STPG2: variants seen among roughly 807,000 people sequenced by gnomAD.
The protein encoded by STPG2 is sperm-tail PG-rich repeat-containing protein 2.
STPG2 carries 56 observed loss-of-function variants against 54.2 expected under a neutral mutation model. The observed-to-expected ratio is 1.03, with a 90% CI of 0.83 to 1.29. The LOEUF is 1.29. Among genes scored for constraint, STPG2 ranks in the 50% most tolerant of loss-of-function variants. The pLI is 0.00. For synonymous variants in STPG2, 200 were observed against 181.8 expected (o/e 1.10, Z -0.81); for missense variants, 596 against 544.9 (o/e 1.09, Z -0.93).
At chr4:97,714,383 AG>A (rs1724225189) in intron 9 of STPG2, among the ~76,000 whole-genome samples, 1 of 152,174 alleles carries the variant, frequency 6.6e-6, no homozygotes, top group Non-Finnish European at 1.5e-5. Flanking sequence ...TAGTATCTAA[AG>A]TTCCTTGTGG....
In STPG2 at chr4:98,072,582, AT is replaced by A. The variant is rs1201245406; in HGVS notation, c.612+33370del. Among the ~76,000 whole-genome samples, 132 of 56,150 alleles carry A rather than the reference AT, an allele frequency of 2.4e-3. 1 individual carries two copies. Among genetic ancestry groups the A allele is most frequent in the Admixed American group, 5.3e-3 (18 of 3,420 alleles). 36.8% of individuals were successfully genotyped at this position (56,150 alleles called of 152,430 possible). On this transcript the variant is annotated intron_variant, in intron 5 of 10. Coordinates refer to ENST00000295268, the MANE Select transcript of STPG2 (RefSeq NM_174952.3). ...GTTGAAGGGAAAATAATAAAATAAA[AT>A]AAAATAAAATAAAATAAAATAAAAT... is the stretch of plus-strand genomic sequence containing the variant.
intron 10 of STPG2, among the ~76,000 whole-genome samples, chr4:97,572,282 G>A (rs1176936526): frequency 6.6e-6 from 1 of 152,076 alleles, no homozygotes. Context: ...CAGCCATTCA[G>A]TTACTTCAGC....
intron 9 of STPG2, among the ~76,000 whole-genome samples, chr4:97,778,677 C>A (rs575548831): frequency 6.6e-6 from 1 of 152,174 alleles, no homozygotes; most frequent in African/African-American, 2.4e-5. Context: ...CTGGGAGGCA[C>A]CCCCAGTAGG....
chr4:97,457,400 A>G (rs772775408), intron 4 of STPG2, among the ~76,000 whole-genome samples: 10 of 152,222 alleles, frequency 6.6e-5, no homozygotes, highest in Admixed American at 3.9e-4. Flanking sequence ...ACCAAACCCA[A>G]CTCAGTGTAA....
chr4:97,714,562 T>C (rs1324066257), intron 9 of STPG2, among the ~76,000 whole-genome samples: 2 of 152,194 alleles, frequency 1.3e-5, no homozygotes, highest in Non-Finnish European at 2.9e-5. Flanking sequence ...ATAAGGAAAG[T>C]GTTTTTGCAA....
intron 10 of STPG2, among the ~76,000 whole-genome samples, chr4:97,566,260 C>G (rs187158491): frequency 6.6e-6 from 1 of 152,214 alleles, no homozygotes; most frequent in Non-Finnish European, 1.5e-5. Context: ...ATATAATCTC[C>G]TGGTGCACCA....
intron 4 of STPG2, among the ~76,000 whole-genome samples, chr4:97,495,981 T>C (rs375143720): frequency 8.6e-5 from 13 of 151,720 alleles, no homozygotes; most frequent in African/African-American, 3.1e-4. Context: ...GCTTCCAAGT[T>C]TCATGAGTAC....
rs550195762 is a variant in STPG2, at chr4:97,835,292, A to C, written c.1204+5481T>G. ...CATGGCAATGTCATAAAGTTATCCTATATGGTCTAAAAATGGAAGGAATTC... is the reference window on the plus strand; with the variant it reads ...CATGGCAATGTCATAAAGTTATCCTCTATGGTCTAAAAATGGAAGGAATTC... On this transcript the variant is annotated intron_variant, in intron 9 of 10. Transcript: ENST00000295268. Among the ~76,000 whole-genome samples the C allele has an allele frequency of 2.6e-5, 4 of 152,284 alleles. No individual in the cohort carries two copies. In the East Asian group the frequency reaches 7.7e-4, roughly 29 times the overall value.
chr4:97,769,349 G>A (rs1726155709), intron 9 of STPG2, among the ~76,000 whole-genome samples: 1 of 152,144 alleles, frequency 6.6e-6, no homozygotes, highest in African/African-American at 2.4e-5. Context: ...TCAGCCAACA[G>A]CCAGCTGATT....
At chr4:97,758,491 A>C (rs182622353) in intron 9 of STPG2, among the ~76,000 whole-genome samples, 1 of 152,308 alleles carries the variant, frequency 6.6e-6, no homozygotes, top group Non-Finnish European at 1.5e-5. Context: ...ATGAAGCTGG[A>C]AAACATTATC....
At chr4:97,452,885 G>A (rs777423190) in intron 4 of STPG2, among the ~76,000 whole-genome samples, 29 of 152,128 alleles carry the variant, frequency 1.9e-4, no homozygotes, top group Non-Finnish European at 3.4e-4. Context: ...ATCCCCTGTG[G>A]GTCTCCTGCA....
At chr4:98,111,181 C>G (rs1182169387) in intron 3 of STPG2, among the ~76,000 whole-genome samples, 2 of 151,892 alleles carry the variant, frequency 1.3e-5, no homozygotes, top group Non-Finnish European at 1.5e-5. Context: ...CAGCTGAACC[C>G]TCTTAACATC....
At chr4:97,852,703 A>G (rs1051964458) in intron 8 of STPG2, among the ~76,000 whole-genome samples, 9 of 152,148 alleles carry the variant, frequency 5.9e-5, no homozygotes, top group African/African-American at 1.9e-4. Flanking sequence ...TGGTGATAAC[A>G]GGGAGAAATA....
chr4:97,984,244 A>G (rs1734763107), intron 5 of STPG2, among the ~76,000 whole-genome samples: 1 of 152,172 alleles, frequency 6.6e-6, no homozygotes, highest in Non-Finnish European at 1.5e-5. Flanking sequence ...TCTTGGGTTC[A>G]GAGGATTCTC....
chr4:97,557,022 A>G (rs1178411626), downstream of STPG2, among the ~76,000 whole-genome samples: 1 of 152,144 alleles, frequency 6.6e-6, no homozygotes, highest in East Asian at 1.9e-4. Flanking sequence ...CTCTACTACA[A>G]ATACAAAAAT....
Position 97,999,756 on chromosome 4 carries a change from T to C in STPG2, c.613-18438A>G, listed in dbSNP as rs1168133342. On this transcript the variant is annotated intron_variant, in intron 5 of 10. Transcript: ENST00000295268. ...GAGAAAAACTAATTTAATTTTGAAA[T>C]GTTAGTTTTGTAGTTCCTGTAAACC... Among the ~76,000 whole-genome samples, 12 of 152,134 alleles carry C rather than the reference T, an allele frequency of 7.9e-5. No individual in the cohort carries two copies. The East Asian group carries it at 2.3e-3, about 29-fold the overall frequency.
chr4:97,981,806 C>T (rs1340895819), intron 5 of STPG2, among the ~76,000 whole-genome samples: 1 of 142,678 alleles, frequency 7.0e-6, no homozygotes, highest in Non-Finnish European at 1.5e-5. Flanking sequence ...AACTTTTAAA[C>T]TTATTAACAT....
intron 1 of STPG2, among the ~76,000 whole-genome samples, chr4:98,134,997 A>G (rs1740099457): frequency 6.6e-6 from 1 of 151,822 alleles, no homozygotes; most frequent in African/African-American, 2.4e-5. Flanking sequence ...AATACAAGAC[A>G]CAAATTTCTT....
intron 9 of STPG2, among the ~76,000 whole-genome samples, chr4:97,736,291 G>T (rs563059547): frequency 6.6e-6 from 1 of 152,182 alleles, no homozygotes; most frequent in African/African-American, 2.4e-5. Flanking sequence ...CGCAGAAGAT[G>T]GGTGATTTCT....
Sources: gnomAD v4.1 joint callset for allele counts (sites outside exome capture counted in the v4.1 genomes callset) on GRCh38, gnomAD v4.1.1 for gene constraint, MANE v1.5 for transcripts, NCBI Gene and HGNC (gene_info 2026-07-23, HGNC 2026-07-21) for gene names.